The following CYFIP2 variants were observed in gnomAD, a reference collection of about 807,000 sequenced individuals.
CYFIP2 encodes cytoplasmic FMR1-interacting protein 2.
In CYFIP2, 29 loss-of-function variants were observed where a neutral mutation model predicts 158.7. That is an observed-to-expected ratio of 0.18 (90% confidence interval 0.14 to 0.25). The LOEUF (loss-of-function observed/expected upper bound fraction) is 0.25. Among genes scored for constraint, CYFIP2 ranks in the 10% least tolerant of loss-of-function variants. CYFIP2 has a pLI of 1.00. For synonymous variants in CYFIP2, 585 were observed against 617.6 expected, an observed-to-expected ratio of 0.95 and a Z score of 0.78; for missense variants, 852 against 1,639.5, an observed-to-expected ratio of 0.52 and a Z score of 8.29.
chr5:157,345,502 C>G (rs1290009759), intron 23 of CYFIP2: 1 of 152,582 alleles, frequency 6.6e-6, no homozygotes, highest in African/African-American at 2.4e-5. Flanking sequence ...TGAAAAGAAG[C>G]CATTTCCATT....
intron 26 of CYFIP2, among the ~76,000 whole-genome samples, chr5:157,370,885 A>G (rs900023369): frequency 6.6e-6 from 1 of 152,262 alleles, no homozygotes; most frequent in Non-Finnish European, 1.5e-5. Flanking sequence ...AGTGAAACAT[A>G]GTAATATACA....
chr5:157,324,600 C>G (rs994876291), intron 16 of CYFIP2, among the ~76,000 whole-genome samples: 2 of 152,192 alleles, frequency 1.3e-5, no homozygotes, highest in East Asian at 3.8e-4. Flanking sequence ...ACAAACTTCT[C>G]CATTAGAGAG....
At position 157,342,984 on chromosome 5, in the gene CYFIP2, G is replaced by A. The variant is rs146033434; in HGVS notation, c.2673+1827G>A. On this transcript the variant is annotated intron_variant, in intron 23 of 30. Coordinates refer to ENST00000620254, the MANE Select transcript of CYFIP2 (RefSeq NM_001037333.3). ...TCAGCTCCATCTCTGGAGTTCTTGCGTGGCATTTCCACCAGGGGGAGCCCC... is the reference window on the plus strand; with the variant it reads ...TCAGCTCCATCTCTGGAGTTCTTGCATGGCATTTCCACCAGGGGGAGCCCC... 3.9e-5 allele frequency: 63 copies of A among 1,614,120 alleles called. No homozygotes were observed. The highest frequency in any genetic ancestry group is 2.2e-4 in the East Asian group (10 of 44,900).
chr5:157,379,668 CAAA>C (rs70984468), intron 26 of CYFIP2, among the ~76,000 whole-genome samples: 7,986 of 73,358 alleles, frequency 0.11, 225 homozygotes, highest in Middle Eastern at 0.17. Context: ...GACCCTGTCT[CAAA>C]AAAAAAAAAA....
chr5:157,373,733 AT>A (rs1270114232), intron 26 of CYFIP2, among the ~76,000 whole-genome samples: 1 of 152,228 alleles, frequency 6.6e-6, no homozygotes, highest in Non-Finnish European at 1.5e-5. Flanking sequence ...ATCTGTTCTT[AT>A]TTTAAAATAT....
intron 25 of CYFIP2, 64 bp downstream of exon 25, chr5:157,360,436 C>G (rs1763729272): frequency 4.3e-6 from 6 of 1,398,382 alleles, no homozygotes; most frequent in Non-Finnish European, 5.9e-6. Context: ...GACCATCCAC[C>G]TTAGAGCGTT....
At chr5:157,347,651 G>A (rs1762792336) in intron 23 of CYFIP2, among the ~76,000 whole-genome samples, 1 of 152,208 alleles carries the variant, frequency 6.6e-6, no homozygotes, top group Non-Finnish European at 1.5e-5. Context: ...GAGTTAAGGG[G>A]TCTGAGGAGG....
At position 157,394,470 on chromosome 5, in the gene CYFIP2, C is replaced by T. The variant is rs1377814226; in HGVS notation, c.*1470C>T. 1 of 152,176 alleles carries T rather than the reference C, an allele frequency of 6.6e-6. No individual in the cohort carries two copies. The highest frequency in any genetic ancestry group is 1.5e-5 in the Non-Finnish European group (1 of 68,028). 9.4% of individuals were successfully genotyped at this position (152,176 alleles called of 1,614,324 possible). A position where few individuals can be genotyped will look rare whatever the true frequency, so the allele number is the denominator to read the frequency against. ...CACAGCAAGAGGTTTGTGTGATGCACTTATGTCCTCCGGTGAGGAAAGGGG... is the reference window on the plus strand; with the variant it reads ...CACAGCAAGAGGTTTGTGTGATGCATTTATGTCCTCCGGTGAGGAAAGGGG... On this transcript the variant is annotated 3_prime_UTR_variant, in exon 31 of 31. Transcript: ENST00000620254.
At position 157,394,577 on chromosome 5, in the gene CYFIP2, C is replaced by T. The variant is rs902071422; in HGVS notation, c.*1577C>T. On this transcript the variant is annotated 3_prime_UTR_variant, in exon 31 of 31. Coordinates refer to ENST00000620254, the MANE Select transcript of CYFIP2 (RefSeq NM_001037333.3). ...ATTCCTGGGCCCCACCTCAAACCTACTAATTCTGAATCTCTGGGAATAGGG... is the reference window on the plus strand; with the variant it reads ...ATTCCTGGGCCCCACCTCAAACCTATTAATTCTGAATCTCTGGGAATAGGG... 6.6e-6 allele frequency: 1 copy of T among 152,208 alleles called. No individual in the cohort carries two copies. Among genetic ancestry groups the T allele is most frequent in the Non-Finnish European group, 1.5e-5 (1 of 68,040 alleles). 9.4% of individuals were successfully genotyped at this position (152,208 alleles called of 1,614,324 possible). A position where few individuals can be genotyped will look rare whatever the true frequency, so the allele number is the denominator to read the frequency against.
chr5:157,307,636 G>GGTGTGTGT (rs144622623), intron 8 of CYFIP2, 125 bp from the exon 9 acceptor site: 47,077 of 412,314 alleles, frequency 0.11, 49 homozygotes, highest in East Asian at 0.25. Context: ...GTCTCTACAG[G>GGTGTGTGT]GTGTGTGTGT....
intron 6 of CYFIP2, among the ~76,000 whole-genome samples, chr5:157,301,477 C>G (rs544285675): frequency 1.3e-5 from 2 of 152,296 alleles, no homozygotes; most frequent in Non-Finnish European, 2.9e-5. Flanking sequence ...GGATGCTTCT[C>G]CTTCCAAATA....
Position 157,307,649 on chromosome 5 carries a change from GTGTGTGTA to G in CYFIP2, c.796-104_796-97del, listed in dbSNP as rs57764989. The G allele has an allele frequency of 2.4e-3, 1,474 of 609,480 alleles. 20 individuals are homozygous for G. In the African/African-American group the frequency reaches 0.025, roughly 10 times the overall value. 37.8% of individuals were successfully genotyped at this position (609,480 alleles called of 1,614,324 possible). A position where few individuals can be genotyped will look rare whatever the true frequency, so the allele number is the denominator to read the frequency against. On this transcript the variant is annotated intron_variant, in intron 8 of 30. Coordinates refer to ENST00000620254, the MANE Select transcript of CYFIP2 (RefSeq NM_001037333.3). ...GTGTCTCTACAGGGTGTGTGTGTGT[GTGTGTGTA>G]TGTGTGTGTGTGTGTGTGACACATA...
intron 26 of CYFIP2, among the ~76,000 whole-genome samples, chr5:157,368,949 A>T (rs1037480899): frequency 2.7e-5 from 4 of 148,544 alleles, no homozygotes; most frequent in Non-Finnish European, 5.9e-5. Context: ...CCCAAACTGG[A>T]GTGCAGTGGC....
intron 1 of CYFIP2, among the ~76,000 whole-genome samples, chr5:157,271,899 C>G (rs1756126981): frequency 6.6e-6 from 1 of 152,164 alleles, no homozygotes; most frequent in Non-Finnish European, 1.5e-5. Context: ...TGAGAGGCAG[C>G]TCCTCTCCCC....
chr5:157,268,061 T>C (rs1384190179), intron 1 of CYFIP2, among the ~76,000 whole-genome samples: 1 of 152,272 alleles, frequency 6.6e-6, no homozygotes, highest in African/African-American at 2.4e-5. Flanking sequence ...GGGTTCCTCG[T>C]TGGCATTGGC....
chr5:157,316,321 T>C (rs916402851), intron 13 of CYFIP2, among the ~76,000 whole-genome samples: 2 of 151,954 alleles, frequency 1.3e-5, no homozygotes, highest in African/African-American at 4.8e-5. Flanking sequence ...TATCAACATA[T>C]AAAAAATAAA....
At chr5:157,381,854 C>T (rs755091494) in intron 26 of CYFIP2, among the ~76,000 whole-genome samples, 5 of 150,582 alleles carry the variant, frequency 3.3e-5, no homozygotes, top group Non-Finnish European at 7.4e-5. Flanking sequence ...ATCCAAATGC[C>T]CATAGTTGAA....
At position 157,311,586 on chromosome 5, in the gene CYFIP2, C is replaced by A; in HGVS notation, c.993-78C>A. 2 of 1,333,310 alleles carry A rather than the reference C, an allele frequency of 1.5e-6. No individual in the cohort carries two copies. The highest frequency in any genetic ancestry group is 1.4e-5 in the South Asian group (1 of 73,376). The allele number at this position is 1,333,310 out of a possible 1,614,324, so 82.6% of individuals were successfully genotyped here. On this transcript the variant is annotated intron_variant, in intron 10 of 30. Coordinates refer to ENST00000620254, the MANE Select transcript of CYFIP2 (RefSeq NM_001037333.3). This position sits in a 1 kb window ranked among gnomAD's most constrained non-coding sequence, Gnocchi z 4.7. ...AGGGGAGTTGGCCACGTGGGCTGAG[C>A]ACCAGGAGCAGCTAATGCCTGTTCC...
chr5:157,298,679 AAAAG>A (rs1029889617), intron 5 of CYFIP2, among the ~76,000 whole-genome samples: 4 of 151,946 alleles, frequency 2.6e-5, no homozygotes, highest in African/African-American at 9.7e-5. Context: ...CATTACCCCA[AAAAG>A]AAACCCCACG....
Sources: gnomAD v4.1 joint callset for allele counts (sites outside exome capture counted in the v4.1 genomes callset) on GRCh38, gnomAD v4.1.1 for gene constraint, Gnocchi (gnomAD v3.1) non-coding constraint, MANE v1.5 for transcripts, NCBI Gene and HGNC (gene_info 2026-07-23, HGNC 2026-07-21) for gene names.